Variants in PDE11A observed in about 807,000 individuals in gnomAD.
PDE11A encodes dual 3',5'-cyclic-AMP and -GMP phosphodiesterase 11A.
A neutral mutation model predicts 100.5 loss-of-function variants in PDE11A; 100 were observed. That is an observed-to-expected ratio of 1.00 (90% confidence interval 0.85 to 1.18). The LOEUF (loss-of-function observed/expected upper bound fraction) is 1.18, where lower values mean the gene tolerates loss of function less well. PDE11A is among the 50% of genes most tolerant of loss of function. PDE11A has a pLI of 0.00. For missense variants in PDE11A, 1,141 were observed against 1,152.6 expected (o/e 0.99, Z 0.15); for synonymous variants, 381 against 420.8 (o/e 0.91, Z 1.16).
At chr2:177,885,626 T>C (rs1291495019) in intron 4 of PDE11A, among the ~76,000 whole-genome samples, 1 of 151,926 alleles carries the variant, frequency 6.6e-6, no homozygotes, top group Non-Finnish European at 1.5e-5. Context: ...GAAGGAAAGG[T>C]AGGGAAATGG....
Position 178,072,617 on chromosome 2 carries a change from G to C in PDE11A, c.-180C>G. On this transcript the variant is annotated 5_prime_UTR_variant, in exon 1 of 20. Coordinates refer to ENST00000286063, the MANE Select transcript of PDE11A (RefSeq NM_016953.4). ...ATGCCCCTTCCTTCTCTGGCTCAGAGTGGCTGGCGCCGACCCCACCCCGTG... is the reference window on the plus strand; with the variant it reads ...ATGCCCCTTCCTTCTCTGGCTCAGACTGGCTGGCGCCGACCCCACCCCGTG... 1 of 1,496,110 alleles carries C rather than the reference G, an allele frequency of 6.7e-7. No homozygotes were observed. The highest frequency in any genetic ancestry group is 2.0e-5 in the Admixed American group (1 of 49,006). 92.7% of individuals were successfully genotyped at this position (1,496,110 alleles called of 1,614,324 possible).
At chr2:177,733,464 C>T (rs2105454245) in intron 10 of PDE11A, among the ~76,000 whole-genome samples, 1 of 152,274 alleles carries the variant, frequency 6.6e-6, no homozygotes, top group South Asian at 2.1e-4. Flanking sequence ...ATAAAACTGC[C>T]TCCTCTAAAA....
At chr2:177,914,033 G>A (rs1301335586) in intron 2 of PDE11A, among the ~76,000 whole-genome samples, 1 of 152,038 alleles carries the variant, frequency 6.6e-6, no homozygotes, top group Non-Finnish European at 1.5e-5. Context: ...ATACAACACT[G>A]GGTATTACCA....
chr2:177,640,529 G>C (rs1348215823), intron 19 of PDE11A, among the ~76,000 whole-genome samples: 2 of 152,236 alleles, frequency 1.3e-5, no homozygotes, highest in Non-Finnish European at 2.9e-5. Context: ...TGTTCAAGGT[G>C]TATGACTTCA....
At chr2:177,906,275 G>A (rs1376792447) in intron 2 of PDE11A, among the ~76,000 whole-genome samples, 1 of 152,248 alleles carries the variant, frequency 6.6e-6, no homozygotes, top group African/African-American at 2.4e-5. Context: ...CCAGCAGAGG[G>A]CAGTGCAGTG....
At chr2:177,769,209 A>G in intron 10 of PDE11A, 114 bp downstream of exon 10, 2 of 771,540 alleles carry the variant, frequency 2.6e-6, no homozygotes, top group African/African-American at 1.7e-5. Context: ...GCCCAGTGCT[A>G]GTCCTCCAGC....
At chr2:177,784,420 T>C (rs982817260) in intron 9 of PDE11A, among the ~76,000 whole-genome samples, 1 of 152,098 alleles carries the variant, frequency 6.6e-6, no homozygotes, top group Non-Finnish European at 1.5e-5. Flanking sequence ...CTATATGATC[T>C]AAACGGGAGA....
intron 12 of PDE11A, among the ~76,000 whole-genome samples, chr2:177,718,775 A>G (rs539024011): frequency 1.1e-4 from 16 of 152,184 alleles, no homozygotes; most frequent in Non-Finnish European, 2.4e-4. Flanking sequence ...AAGAACATCT[A>G]TATTTATACA....
In PDE11A at chr2:177,679,355, T is replaced by C. The variant is rs562638196; in HGVS notation, c.2423+1471A>G. The stretch of plus-strand genomic sequence containing the variant: ...AGTTGAGTGGAAAACCATGTTCACA[T>C]TGGTATGTAAATATACAATTTATGT... On this transcript the variant is annotated intron_variant, in intron 16 of 19. Coordinates refer to ENST00000286063, the MANE Select transcript of PDE11A (RefSeq NM_016953.4). Among the ~76,000 whole-genome samples the C allele has an allele frequency of 8.5e-5, 13 of 152,298 alleles. No individual in the cohort carries two copies. In the South Asian group the frequency reaches 2.7e-3, roughly 32 times the overall value.
At chr2:178,039,638 A>G (rs1314498469) in intron 1 of PDE11A, among the ~76,000 whole-genome samples, 1 of 152,016 alleles carries the variant, frequency 6.6e-6, no homozygotes, top group African/African-American at 2.4e-5. Context: ...CCATAGCAAC[A>G]TTACTGATAA....
At chr2:177,682,266 C>A (rs1431911689) in intron 15 of PDE11A, among the ~76,000 whole-genome samples, 3 of 152,184 alleles carry the variant, frequency 2.0e-5, no homozygotes. Flanking sequence ...TTCCGCCTTT[C>A]CTGACTGAAC....
chr2:178,068,252 G>A (rs569431007), intron 1 of PDE11A, among the ~76,000 whole-genome samples: 4 of 150,624 alleles, frequency 2.7e-5, no homozygotes, highest in South Asian at 2.1e-4. Context: ...TTCCATTTAC[G>A]ATTTATTTTT....
At chr2:178,032,957 A>G (rs13007766) in intron 1 of PDE11A, among the ~76,000 whole-genome samples, 15,236 of 152,244 alleles carry the variant, frequency 0.1, 1,054 homozygotes, top group Non-Finnish European at 0.15. Flanking sequence ...GCAAAAAAAC[A>G]ACTGAAAATT....
intron 4 of PDE11A, among the ~76,000 whole-genome samples, chr2:177,892,065 T>C (rs1477649651): frequency 6.6e-6 from 1 of 152,226 alleles, no homozygotes; most frequent in East Asian, 1.9e-4. Context: ...GGCTTAGTTT[T>C]GTCTTTAACC....
intron 10 of PDE11A, among the ~76,000 whole-genome samples, chr2:177,746,210 T>C (rs139453530): frequency 6.6e-6 from 1 of 152,202 alleles, no homozygotes; most frequent in East Asian, 1.9e-4. Context: ...AAAAAATTCG[T>C]AGGTAAATTG....
intron 15 of PDE11A, among the ~76,000 whole-genome samples, chr2:177,682,956 A>G (rs2080886341): frequency 8.1e-6 from 1 of 124,116 alleles, no homozygotes; most frequent in South Asian, 2.8e-4. Context: ...GGAAAATACC[A>G]TCATGACATA....
At chr2:177,639,138 G>A (rs1387910334) in intron 19 of PDE11A, among the ~76,000 whole-genome samples, 2 of 152,168 alleles carry the variant, frequency 1.3e-5, no homozygotes, top group Non-Finnish European at 2.9e-5. Context: ...TTCTATCCAG[G>A]CCACAAGCTG....
At chr2:177,997,126 A>T (rs1440941098) in intron 2 of PDE11A, 1 of 893,808 alleles carries the variant, frequency 1.1e-6, no homozygotes, top group African/African-American at 1.7e-5. Flanking sequence ...CACCCCCGGA[A>T]ATCCAATGAG....
intron 19 of PDE11A, among the ~76,000 whole-genome samples, chr2:177,640,935 C>T (rs1296630103): frequency 2.0e-5 from 3 of 152,326 alleles, no homozygotes; most frequent in Middle Eastern, 3.4e-3. Context: ...TCCTGTCAAT[C>T]CCACTTCCAA....
Sources: allele counts gnomAD v4.1 joint callset (sites outside exome capture counted in the v4.1 genomes callset), GRCh38; gene constraint gnomAD v4.1.1; transcripts MANE v1.5; gene names NCBI Gene and HGNC (gene_info 2026-07-23, HGNC 2026-07-21).